The following SEMA6D variants were observed in gnomAD, a reference collection of about 807,000 sequenced individuals.
SEMA6D encodes the protein semaphorin-6D.
SEMA6D carries 35 observed loss-of-function variants against 106.6 expected under a neutral mutation model. The ratio of observed to expected loss-of-function variants is 0.33; its 90% confidence interval spans 0.25 to 0.44. The LOEUF is 0.44. Ranked by LOEUF, SEMA6D falls within the 20% of genes least tolerant of loss-of-function variation. The pLI, the probability that SEMA6D is intolerant of heterozygous loss-of-function variation, is 1.00. For synonymous variants in SEMA6D, 499 were observed against 487.7 expected (o/e 1.02, Z -0.31); for missense variants, 1,185 against 1,345.9 (o/e 0.88, Z 1.87).
chr15:47,477,418 A>G (rs919892072), intron 3 of SEMA6D, among the ~76,000 whole-genome samples: 2 of 152,142 alleles, frequency 1.3e-5, no homozygotes, highest in Non-Finnish European at 2.9e-5. Context: ...CTGCCACTCA[A>G]GTGTTGCCAT....
intron 4 of SEMA6D, among the ~76,000 whole-genome samples, chr15:47,673,106 A>G (rs2078170015): frequency 6.6e-6 from 1 of 151,008 alleles, no homozygotes; most frequent in Non-Finnish European, 1.5e-5. Flanking sequence ...CTCTTTTCTC[A>G]CCCCGAGAAA....
intron 1 of SEMA6D, chr15:47,730,744 C>T (rs1042589277): frequency 3.1e-6 from 5 of 1,601,512 alleles, no homozygotes; most frequent in Non-Finnish European, 4.2e-6. Context: ...AGCTCTCTGC[C>T]GCTGCAACCT....
chr15:47,353,474 T>A (rs1426708234), intron 1 of SEMA6D, among the ~76,000 whole-genome samples: 1 of 152,194 alleles, frequency 6.6e-6, no homozygotes, highest in East Asian at 1.9e-4. Flanking sequence ...CTGGATACCT[T>A]TCCACATGCC....
At chr15:47,451,048 A>C (rs7176570) in intron 2 of SEMA6D, among the ~76,000 whole-genome samples, 41,584 of 151,964 alleles carry the variant, frequency 0.27, 5,862 homozygotes, top group East Asian at 0.39. Flanking sequence ...AACTCAAAAA[A>C]CAAAAAATCA....
At chr15:47,651,682 C>G (rs28736401) in intron 4 of SEMA6D, among the ~76,000 whole-genome samples, 1 of 152,352 alleles carries the variant, frequency 6.6e-6, no homozygotes, top group Non-Finnish European at 1.5e-5. Flanking sequence ...TCAGCTACAT[C>G]TGATACTCGA....
At position 47,480,369 on chromosome 15, in the gene SEMA6D, A is replaced by T. The variant is rs575972907; in HGVS notation, c.-87+9824A>T. ...AACCTTCAATGGTTCTCCATGGTCGACATGACAAAGTCGAATAACCTCACC... is the reference window on the plus strand; with the variant it reads ...AACCTTCAATGGTTCTCCATGGTCGTCATGACAAAGTCGAATAACCTCACC... On this transcript the variant is annotated intron_variant, in intron 3 of 19. Transcript: ENST00000558014. Among the ~76,000 whole-genome samples, 3 of 152,152 alleles carry T rather than the reference A, an allele frequency of 2.0e-5. No homozygotes were observed. The East Asian group carries it at 5.8e-4, about 29-fold the overall frequency.
chr15:47,324,153 CA>C (rs1555422647), intron 1 of SEMA6D, among the ~76,000 whole-genome samples: 2 of 152,030 alleles, frequency 1.3e-5, no homozygotes, highest in Non-Finnish European at 1.5e-5. Flanking sequence ...CCAAAAGAAA[CA>C]AATCTAAAGA....
chr15:47,582,325 A>G (rs1269745822), intron 3 of SEMA6D, among the ~76,000 whole-genome samples: 2 of 152,230 alleles, frequency 1.3e-5, no homozygotes. Flanking sequence ...AGGCCACACC[A>G]TGAGTCCCAC....
intron 4 of SEMA6D, among the ~76,000 whole-genome samples, chr15:47,603,634 C>T (rs1435756): frequency 0.99 from 150,907 of 152,168 alleles, 74,837 homozygotes; most frequent in Middle Eastern, 1. Context: ...AATGAAGTTA[C>T]AAATGTGCGA....
At position 47,377,275 on chromosome 15, in the gene SEMA6D, G is replaced by T. The variant is rs547581714; in HGVS notation, c.-238-35118G>T. On this transcript the variant is annotated intron_variant, in intron 1 of 19. Coordinates refer to the SEMA6D transcript ENST00000558014. ...AAATTTGTGTCTTAACGAATGAAATGATTTCAGGGATTGGCTGTCATCTTT... is the reference window on the plus strand; with the variant it reads ...AAATTTGTGTCTTAACGAATGAAATTATTTCAGGGATTGGCTGTCATCTTT... Among the ~76,000 whole-genome samples, 5 of 152,306 alleles carry T rather than the reference G, an allele frequency of 3.3e-5. No homozygotes were observed. In the East Asian group the frequency reaches 7.7e-4, roughly 23 times the overall value.
At chr15:47,189,075 A>G (rs543521866) in intron 1 of SEMA6D, among the ~76,000 whole-genome samples, 1 of 152,352 alleles carries the variant, frequency 6.6e-6, no homozygotes, top group East Asian at 1.9e-4. Context: ...AAGTAGTCTG[A>G]GGATATCAGG....
chr15:47,549,084 T>A (rs2142358109), intron 3 of SEMA6D, among the ~76,000 whole-genome samples: 1 of 152,206 alleles, frequency 6.6e-6, no homozygotes, highest in African/African-American at 2.4e-5. Context: ...GAAAATGACC[T>A]TTATCACTTT....
intron 3 of SEMA6D, among the ~76,000 whole-genome samples, chr15:47,536,074 G>T (rs1415409323): frequency 6.6e-6 from 1 of 152,110 alleles, no homozygotes; most frequent in East Asian, 1.9e-4. Context: ...TAACTGCTTT[G>T]GAAAGATTGA....
At chr15:47,551,782 G>C (rs913393626) in intron 3 of SEMA6D, among the ~76,000 whole-genome samples, 1 of 151,860 alleles carries the variant, frequency 6.6e-6, no homozygotes, top group Admixed American at 6.6e-5. Context: ...ACCAGGGCCA[G>C]AGATTCAGAG....
At chr15:47,588,745 A>C (rs1596375925) in intron 3 of SEMA6D, among the ~76,000 whole-genome samples, 1 of 152,310 alleles carries the variant, frequency 6.6e-6, no homozygotes, top group East Asian at 1.9e-4. Context: ...AGGCAGTTAC[A>C]CTTAGACATG....
chr15:47,230,565 C>T (rs954713500), intron 1 of SEMA6D, among the ~76,000 whole-genome samples: 1 of 152,020 alleles, frequency 6.6e-6, no homozygotes, highest in African/African-American at 2.4e-5. Context: ...TTCTCTATCT[C>T]ATCCATCCTT....
At chr15:47,188,547 T>A (rs1000824197) in intron 1 of SEMA6D, among the ~76,000 whole-genome samples, 10 of 152,204 alleles carry the variant, frequency 6.6e-5, no homozygotes, top group Admixed American at 3.9e-4. Context: ...TGATTACATT[T>A]TCTTTTTGCT....
At chr15:47,645,839 C>T (rs73392833) in intron 4 of SEMA6D, among the ~76,000 whole-genome samples, 5,213 of 152,104 alleles carry the variant, frequency 0.034, 294 homozygotes, top group African/African-American at 0.12. Context: ...CACAGAAACC[C>T]GGGGAAACAT....
chr15:47,681,314 A>C (rs1169055965), intron 4 of SEMA6D, among the ~76,000 whole-genome samples: 2 of 152,234 alleles, frequency 1.3e-5, no homozygotes, highest in Non-Finnish European at 2.9e-5. Flanking sequence ...ATGAACCTTG[A>C]GAAGATTAAG....
Sources: gnomAD v4.1 joint callset for allele counts (sites outside exome capture counted in the v4.1 genomes callset) on GRCh38, gnomAD v4.1.1 for gene constraint, MANE v1.5 for transcripts, NCBI Gene and HGNC (gene_info 2026-07-23, HGNC 2026-07-21) for gene names.